The following PACRG variants were observed in gnomAD, a reference collection of about 807,000 sequenced individuals.
PACRG encodes parkin coregulated gene protein.
PACRG carries 29 observed loss-of-function variants against 29.7 expected under a neutral mutation model. That is an observed-to-expected ratio of 0.98 (90% confidence interval 0.73 to 1.33). The LOEUF is 1.33. Ranked by LOEUF, PACRG falls within the 40% of genes most tolerant of loss-of-function variation. PACRG has a pLI of 0.00. For missense variants in PACRG, 279 were observed against 316.2 expected (o/e 0.88, Z 0.89); for synonymous variants, 116 against 118.7 (o/e 0.98, Z 0.15).
chr6:163,072,941 A>G (rs1812209015), intron 3 of PACRG, among the ~76,000 whole-genome samples: 1 of 152,176 alleles, frequency 6.6e-6, no homozygotes, highest in Non-Finnish European at 1.5e-5. Flanking sequence ...CATTGATGCA[A>G]GAAATTGAAG....
At chr6:163,189,080 G>T (rs563885573) in intron 4 of PACRG, among the ~76,000 whole-genome samples, 2 of 152,188 alleles carry the variant, frequency 1.3e-5, no homozygotes, top group African/African-American at 4.8e-5. Flanking sequence ...ATGCTGAGAT[G>T]GAATGATACT....
At chr6:163,074,478 A>G (rs1183369158) in intron 3 of PACRG, among the ~76,000 whole-genome samples, 3 of 152,204 alleles carry the variant, frequency 2.0e-5, no homozygotes, top group Admixed American at 6.5e-5. Flanking sequence ...AAATAGTACG[A>G]CCTAGTATTT....
chr6:162,907,704 A>G (rs1169645393), intron 2 of PACRG, among the ~76,000 whole-genome samples: 2 of 152,152 alleles, frequency 1.3e-5, no homozygotes, highest in Non-Finnish European at 2.9e-5. Context: ...TATTTTATAT[A>G]TATTATTTCT....
intron 2 of PACRG, chr6:162,957,406 A>C: frequency 1.8e-6 from 1 of 556,742 alleles, no homozygotes. Flanking sequence ...TTTAGGTCTC[A>C]CAGCACGGAC....
At chr6:163,192,794 A>C (rs1780273467) in intron 4 of PACRG, among the ~76,000 whole-genome samples, 2 of 152,316 alleles carry the variant, frequency 1.3e-5, no homozygotes, top group Non-Finnish European at 2.9e-5. Flanking sequence ...ACTGGCTCCC[A>C]GGTTGGGTGT....
chr6:162,967,044 A>G (rs779742378), intron 2 of PACRG, among the ~76,000 whole-genome samples: 4 of 152,178 alleles, frequency 2.6e-5, no homozygotes, highest in African/African-American at 2.4e-5. Flanking sequence ...TAACCTTGAC[A>G]TTATTTATGG....
At chr6:163,107,139 T>C (rs1815428136) in intron 4 of PACRG, among the ~76,000 whole-genome samples, 1 of 152,070 alleles carries the variant, frequency 6.6e-6, no homozygotes, top group African/African-American at 2.4e-5. Context: ...GTGAATATGA[T>C]GAAAAGCACA....
chr6:163,137,662 G>C (rs1380707319), intron 4 of PACRG, among the ~76,000 whole-genome samples: 1 of 152,236 alleles, frequency 6.6e-6, no homozygotes, highest in African/African-American at 2.4e-5. Context: ...CCAAGTGACA[G>C]CAATAATAGC....
rs1799574113 is a variant in PACRG at position 162,950,542 on chromosome 6, G to A, written c.292-111608G>A. Among the ~76,000 whole-genome samples, 3 of 151,828 alleles carry A rather than the reference G, an allele frequency of 2.0e-5. No homozygotes were observed. The South Asian group carries it at 6.2e-4, about 32-fold the overall frequency. ...ATAAATAAATTAATTAATAATAAAA[G>A]TAGTTGAACAGATCATATTTTGTAC... On this transcript the variant is annotated intron_variant, in intron 2 of 4. Coordinates refer to ENST00000366888, the MANE Select transcript of PACRG (RefSeq NM_001080379.2).
At chr6:162,927,062 T>A (rs1797497616) in intron 2 of PACRG, among the ~76,000 whole-genome samples, 1 of 152,100 alleles carries the variant, frequency 6.6e-6, no homozygotes, top group Non-Finnish European at 1.5e-5. Flanking sequence ...AAGCTCAACA[T>A]CACTGATCAT....
Position 163,287,446 on chromosome 6 carries a change from C to T in PACRG, c.614-27381C>T, listed in dbSNP as rs61392735. On this transcript the variant is annotated intron_variant, in intron 4 of 4. Transcript: ENST00000366888. ...CCGCCACGTTTGTCCCCACAGGCCG[C>T]ACACACGGCCATGCTCACCTCCTCC... Among the ~76,000 whole-genome samples the T allele has an allele frequency of 3.7e-3, 559 of 152,330 alleles. 5 individuals carry two copies. The highest frequency in any genetic ancestry group is 0.013 in the African/African-American group (521 of 41,576).
At chr6:162,895,918 C>T (rs1289446202) in intron 2 of PACRG, among the ~76,000 whole-genome samples, 1 of 152,198 alleles carries the variant, frequency 6.6e-6, no homozygotes, top group Non-Finnish European at 1.5e-5. Flanking sequence ...GTAGTGTTTA[C>T]TGTGAAGATA....
chr6:163,305,733 G>C (rs1459417400), intron 4 of PACRG, among the ~76,000 whole-genome samples: 1 of 152,126 alleles, frequency 6.6e-6, no homozygotes, highest in Non-Finnish European at 1.5e-5. Flanking sequence ...TTAAGGACCT[G>C]TAATGAAGTA....
intron 2 of PACRG, among the ~76,000 whole-genome samples, chr6:162,969,754 G>C (rs1801370539): frequency 6.6e-6 from 1 of 152,124 alleles, no homozygotes; most frequent in Non-Finnish European, 1.5e-5. Flanking sequence ...CTATCTTCAA[G>C]ACGTTCTACT....
intron 2 of PACRG, among the ~76,000 whole-genome samples, chr6:162,825,834 C>T (rs1452312602): frequency 6.6e-6 from 1 of 152,184 alleles, no homozygotes; most frequent in Non-Finnish European, 1.5e-5. Flanking sequence ...TTCACGTTTC[C>T]TCACTGGGCT....
chr6:163,192,295 T>C (rs552432016), intron 4 of PACRG, among the ~76,000 whole-genome samples: 1 of 152,362 alleles, frequency 6.6e-6, no homozygotes, highest in African/African-American at 2.4e-5. Context: ...TCAGTTCCCT[T>C]GTTGACTGTT....
chr6:162,871,916 C>CA lies in PACRG; in HGVS notation c.291+57644dup, dbSNP rs199605640. Among the ~76,000 whole-genome samples, 366 of 137,844 alleles carry CA rather than the reference C, an allele frequency of 2.7e-3. 2 individuals are homozygous for CA. In the East Asian group the frequency reaches 0.029, roughly 11 times the overall value. 90.4% of individuals were successfully genotyped at this position (137,844 alleles called of 152,430 possible). On this transcript the variant is annotated intron_variant, in intron 2 of 4. Transcript: ENST00000366888. ...TGGGTGACAGAGCCAGACTCCGTCTCAAAAAAAAACAAAAACAAAAACAAA... is the reference window on the plus strand; with the variant it reads ...TGGGTGACAGAGCCAGACTCCGTCTCAAAAAAAAAACAAAAACAAAAACAAA...
At chr6:162,888,157 C>T (rs1381416499) in intron 2 of PACRG, among the ~76,000 whole-genome samples, 1 of 151,514 alleles carries the variant, frequency 6.6e-6, no homozygotes, top group African/African-American at 2.4e-5. Context: ...GGGGTGGTCT[C>T]ATCCTCATCT....
At chr6:162,852,005 G>GGAAGGAAAGGAAGGAAGGA (rs1562663902) in intron 2 of PACRG, among the ~76,000 whole-genome samples, 1 of 116,112 alleles carries the variant, frequency 8.6e-6, no homozygotes, top group South Asian at 2.8e-4. Context: ...GGGAGGGAGG[G>GGAAGGAAAGGAAGGAAGGA]AGGAAGGAAG....
Sources: allele counts gnomAD v4.1 joint callset (sites outside exome capture counted in the v4.1 genomes callset), GRCh38; gene constraint gnomAD v4.1.1; transcripts MANE v1.5; gene names NCBI Gene and HGNC (gene_info 2026-07-23, HGNC 2026-07-21).